LTA4H: variants seen among roughly 807,000 people sequenced by gnomAD.
LTA4H encodes leukotriene A4 hydrolase.
In LTA4H, 59 loss-of-function variants were observed where a neutral mutation model predicts 89.8. The observed-to-expected ratio is 0.66, with a 90% confidence interval of 0.53 to 0.82. The LOEUF (loss-of-function observed/expected upper bound fraction) is 0.82, where lower values mean the gene tolerates loss of function less well. Among genes scored for constraint, LTA4H ranks in the 40% least tolerant of loss-of-function variants. The pLI is 0.00. For missense variants in LTA4H, 617 were observed against 727.0 expected (o/e 0.85, Z 1.74); for synonymous variants, 227 against 253.1 (o/e 0.90, Z 0.98).
chr12:96,035,437 A>G lies in LTA4H; in HGVS notation c.83T>C (p.Val28Ala), dbSNP rs1444547208. The change falls in exon 1 of 19, where the codon GTC (valine) becomes GCC (alanine). Residue 28 changes from valine (V) to alanine (A), a missense_variant. Val to Ala is a moderately conservative substitution (Grantham distance 64, BLOSUM62 0). Around this residue, in one of 3 missense-constraint regions of LTA4H, gnomAD observed 155 missense variants for 143.3 expected, o/e 1.08. Coordinates refer to ENST00000228740, the MANE Select transcript of LTA4H (RefSeq NM_000895.3). The stretch of plus-strand genomic sequence containing the variant: ...GGTCAGCGTCCGGCGAGTAAAGTCG[A>G]CGCTGCAGCGCAGGTGCAGGTGCTT... ...RTKHLHLRCS[V>A]DFTRRTLTGT... The G allele has an allele frequency of 1.9e-6, 3 of 1,610,188 alleles. No homozygotes were observed. The highest frequency in any genetic ancestry group is 2.5e-6 in the Non-Finnish European group (3 of 1,178,436).
intron 11 of LTA4H, 64 bp downstream of exon 11, chr12:96,015,519 A>C: frequency 2.8e-5 from 34 of 1,202,098 alleles, no homozygotes; most frequent in Non-Finnish European, 3.4e-5. Context: ...CGCTTTTATA[A>C]AAACTCAGTT....
In LTA4H at chr12:96,021,139, T is replaced by TA. The variant is rs758163333; in HGVS notation, c.586-3dup. 1.3e-6 allele frequency: 2 copies of TA among 1,591,388 alleles called. No individual in the cohort carries two copies. Among genetic ancestry groups the TA allele is most frequent in the South Asian group, 2.3e-5 (2 of 86,682 alleles). ...AATCAGGTAGCAGGGTATTGGAACCTAAAGAGGGCAAACAAACGCACACCA... is the reference window on the plus strand; with the variant it reads ...AATCAGGTAGCAGGGTATTGGAACCTAAAAGAGGGCAAACAAACGCACACCA... On this transcript the variant is annotated splice_region_variant and splice_polypyrimidine_tract_variant and intron_variant, in intron 5 of 18. Transcript: ENST00000228740.
At chr12:96,009,842 G>A (rs1161197912) in intron 14 of LTA4H, 1 of 152,210 alleles carries the variant, frequency 6.6e-6, no homozygotes, top group Non-Finnish European at 1.5e-5. Flanking sequence ...TGAAATGCTT[G>A]TATTAGGGAA....
At chr12:96,002,310 A>G (rs986846335) in intron 18 of LTA4H, among the ~76,000 whole-genome samples, 3 of 152,254 alleles carry the variant, frequency 2.0e-5, no homozygotes, top group Non-Finnish European at 2.9e-5. Flanking sequence ...GCCAAGTTTT[A>G]TGATATTATA....
rs74323132 is a variant in LTA4H, at chr12:96,043,150, T to C, written c.87+139A>G. 3,748 of 626,200 alleles carry C rather than the reference T, an allele frequency of 6.0e-3. 62 individuals carry two copies. Among genetic ancestry groups the C allele is most frequent in the African/African-American group, 0.032 (1,757 of 54,538 alleles). 38.8% of individuals were successfully genotyped at this position (626,200 alleles called of 1,614,324 possible). ...CTCTTTGCTTTCTCCACATTCTGCC[T>C]AGAAAACTCCCTGACGCAACCTGCA... is the stretch of plus-strand genomic sequence containing the variant. On this transcript the variant is annotated intron_variant, in intron 1 of 17. Transcript: ENST00000413268.
chr12:96,013,698 A>G, intron 13 of LTA4H, 52 bp downstream of exon 13: 1 of 939,224 alleles, frequency 1.1e-6, no homozygotes, highest in Middle Eastern at 2.7e-4. Flanking sequence ...TAATCAGTCA[A>G]TAAATAGAGA....
intron 2 of LTA4H, among the ~76,000 whole-genome samples, chr12:96,028,448 T>C (rs1458537349): frequency 6.6e-6 from 1 of 152,138 alleles, no homozygotes; most frequent in Non-Finnish European, 1.5e-5. Context: ...TCTAGGCCAA[T>C]AGTTTTCACC....
At position 96,029,046 on chromosome 12, in the gene LTA4H, C is replaced by G. The variant is rs114493880; in HGVS notation, c.290+9G>C. 6,423 of 1,558,418 alleles carry G rather than the reference C, an allele frequency of 4.1e-3. 228 individuals carry two copies. The African/African-American group carries it at 0.076, about 18-fold the overall frequency. ...TAGCTGTAAAAGAGAAAGATCATAA[C>G]ATTCATACTTGCTCAAAGCGATAGG... is the stretch of plus-strand genomic sequence containing the variant. On this transcript the variant is annotated intron_variant, in intron 2 of 18. Coordinates refer to ENST00000228740, the MANE Select transcript of LTA4H (RefSeq NM_000895.3).
chr12:96,035,170 G>A (rs1950624283), intron 1 of LTA4H, among the ~76,000 whole-genome samples, 191 bp downstream of exon 1: 1 of 152,174 alleles, frequency 6.6e-6, no homozygotes, highest in Non-Finnish European at 1.5e-5. Flanking sequence ...GTTGAGAAGG[G>A]GTGCTGTGAG....
chr12:96,015,895 T>A (rs1950366848), intron 10 of LTA4H, among the ~76,000 whole-genome samples: 1 of 152,216 alleles, frequency 6.6e-6, no homozygotes, highest in African/African-American at 2.4e-5. Context: ...CAGGGAAAGT[T>A]AAGCCCTGCT....
chr12:96,001,146 A>G (rs1300707082), intron 18 of LTA4H, 40 bp from the exon 19 acceptor site: 1 of 1,287,442 alleles, frequency 7.8e-7, no homozygotes, highest in African/African-American at 1.5e-5. Context: ...GAAAGGCGAG[A>G]AGGAGACAGA....
At chr12:96,003,132 C>T in intron 17 of LTA4H, 68 bp from the exon 18 acceptor site, 1 of 931,554 alleles carries the variant, frequency 1.1e-6, no homozygotes. Context: ...ACAGGTATAT[C>T]TTAATATTAC....
Position 96,009,116 on chromosome 12 carries a change from G to T in LTA4H, c.1412C>A (p.Ala471Asp). 6.2e-7 allele frequency: 1 copy of T among 1,605,702 alleles called. No individual in the cohort carries two copies. ...YDMTLTNACI[A>D]LSQRWITAKE... The stretch of plus-strand genomic sequence containing the variant: ...TACAGTAATCCATCTTTGACTTAAG[G>T]CAATACAAGCATTTGTCAGAGTCAT... Residue 471 changes from alanine to aspartate, a missense_variant, in exon 15 of 19, where the codon GCC becomes GAC. By Grantham distance (126) the Ala-to-Asp change is moderately radical. This residue lies in a region of LTA4H where 290 missense variants were observed against 339.1 expected (regional missense o/e 0.86). Transcript: ENST00000228740.
rs779017279 is a variant in LTA4H at position 96,017,604 on chromosome 12, A to C, written c.853-24T>G. 3 of 1,583,124 alleles carry C rather than the reference A, an allele frequency of 1.9e-6. No homozygotes were observed. The East Asian group carries it at 6.7e-5, about 36-fold the overall frequency. On this transcript the variant is annotated intron_variant, in intron 8 of 18. Coordinates refer to ENST00000228740, the MANE Select transcript of LTA4H (RefSeq NM_000895.3). Reference sequence around the variant, plus strand: ...GCCTACAAAAAAAGAAAATTACCTTAGTATTTTAGTAATCGAATTACAGAC... The same window carrying C: ...GCCTACAAAAAAAGAAAATTACCTTCGTATTTTAGTAATCGAATTACAGAC...
At chr12:96,021,688 C>CAT (rs1475779690) in intron 5 of LTA4H, among the ~76,000 whole-genome samples, 3 of 151,984 alleles carry the variant, frequency 2.0e-5, no homozygotes, top group Non-Finnish European at 4.4e-5. Flanking sequence ...CACACACACA[C>CAT]ACACACACAC....
chr12:96,035,299 G>A (rs1007121271), intron 1 of LTA4H, 62 bp downstream of exon 1: 1 of 1,529,874 alleles, frequency 6.5e-7, no homozygotes, highest in Non-Finnish European at 8.9e-7. Context: ...AGCCCGCAAG[G>A]ACTAGGGTCG....
At chr12:96,033,462 C>T (rs1950598411) in intron 1 of LTA4H, among the ~76,000 whole-genome samples, 1 of 152,202 alleles carries the variant, frequency 6.6e-6, no homozygotes. Flanking sequence ...CATCTGAACA[C>T]AAGTGTCCTG....
At chr12:96,008,353 C>T (rs1430693189) in intron 15 of LTA4H, among the ~76,000 whole-genome samples, 1 of 152,078 alleles carries the variant, frequency 6.6e-6, no homozygotes, top group Non-Finnish European at 1.5e-5. Context: ...GAAGAAGCTC[C>T]TCTTTAAGAA....
At position 96,001,079 on chromosome 12, in the gene LTA4H, A is replaced by G. The variant is rs200755127; in HGVS notation, c.1746T>C (p.His582=). ...CTTGGTAGGTTCGGACAGCTTGATC[A>G]TGGGATTTGTCAAAGGCAGCAAGAT... ...FKDLAAFDKS[H]DQAVRTYQEH... The change falls in exon 19 of 19, where the codon CAT becomes CAC. Residue 582 remains histidine, a synonymous_variant. Transcript: ENST00000228740. The G allele has an allele frequency of 6.2e-7, 1 of 1,613,880 alleles. No individual in the cohort carries two copies. Among genetic ancestry groups the G allele is most frequent in the African/African-American group, 1.3e-5 (1 of 74,900 alleles).
Sources: allele counts gnomAD v4.1 joint callset (sites outside exome capture counted in the v4.1 genomes callset), GRCh38; gene constraint gnomAD v4.1.1; regional missense constraint gnomAD v4.1.1; transcripts MANE v1.5; gene names NCBI Gene and HGNC (gene_info 2026-07-23, HGNC 2026-07-21).